The following MTIF3 variants were observed in gnomAD, a reference collection of about 807,000 sequenced individuals.
MTIF3 encodes the protein translation initiation factor IF-3, mitochondrial.
A neutral mutation model predicts 20.7 loss-of-function variants in MTIF3; 13 were observed. The observed-to-expected ratio is 0.63, with a 90% CI of 0.41 to 1.00. The LOEUF is 1.00. Among genes scored for constraint, MTIF3 ranks in the 50% least tolerant of loss-of-function variants. The pLI is 0.00. For missense variants in MTIF3, 295 were observed against 324.5 expected (o/e 0.91, Z 0.70); for synonymous variants, 114 against 112.5 (o/e 1.01, Z -0.08).
At position 27,440,379 on chromosome 13, in the gene MTIF3, A is replaced by G. The variant is rs766559510; in HGVS notation, c.70T>C (p.Phe24Leu). ...VKSENSCIRCFGKHILQKTAP... is the reference protein window; with the variant it reads ...VKSENSCIRCLGKHILQKTAP... ...GTCTTTTGCAGGATGTGTTTACCAAAACATCTAATGCAACTATTTTCAGAC... is the reference window on the plus strand; with the variant it reads ...GTCTTTTGCAGGATGTGTTTACCAAGACATCTAATGCAACTATTTTCAGAC... The change falls in exon 3 of 5, where the codon TTT becomes CTT. Residue 24 changes from phenylalanine (F) to leucine (L), a missense_variant. Physicochemically the swap from Phe to Leu is conservative, Grantham distance 22. Transcript: ENST00000381120. 6.2e-7 allele frequency: 1 copy of G among 1,614,194 alleles called. No homozygotes were observed. Among genetic ancestry groups the G allele is most frequent in the Non-Finnish European group, 8.5e-7 (1 of 1,180,022 alleles).
At chr13:27,444,249 T>A (rs1954099419) in intron 2 of MTIF3, among the ~76,000 whole-genome samples, 1 of 151,628 alleles carries the variant, frequency 6.6e-6, no homozygotes. Context: ...GAGCTAGCAG[T>A]GAGCGAGATT....
intron 2 of MTIF3, 52 bp from the exon 3 acceptor site, chr13:27,440,501 G>A: frequency 7.1e-7 from 1 of 1,402,342 alleles, no homozygotes; most frequent in Non-Finnish European, 9.7e-7. Flanking sequence ...TATTCCCTTG[G>A]TCTGACATTG....
At chr13:27,438,612 C>T (rs1953882411) in intron 3 of MTIF3, among the ~76,000 whole-genome samples, 1 of 151,664 alleles carries the variant, frequency 6.6e-6, no homozygotes, top group Admixed American at 6.6e-5. Flanking sequence ...CCTCCCACCT[C>T]AGCCTCCCAA....
intron 1 of MTIF3, among the ~76,000 whole-genome samples, chr13:27,448,446 G>A (rs1954248395): frequency 6.6e-6 from 1 of 152,154 alleles, no homozygotes; most frequent in Admixed American, 6.5e-5. Context: ...TGTCCCAGTT[G>A]CCCCATTCTG....
intron 1 of MTIF3, among the ~76,000 whole-genome samples, chr13:27,446,417 A>T (rs1052581935): frequency 6.6e-6 from 1 of 152,222 alleles, no homozygotes; most frequent in Non-Finnish European, 1.5e-5. Context: ...AGTATTTAGG[A>T]TAGTGTCATG....
At chr13:27,444,219 T>C (rs1030363739) in intron 2 of MTIF3, among the ~76,000 whole-genome samples, 4 of 151,738 alleles carry the variant, frequency 2.6e-5, no homozygotes, top group African/African-American at 9.7e-5. Flanking sequence ...GGCAGGAGAA[T>C]GGCGTGAACC....
intron 3 of MTIF3, among the ~76,000 whole-genome samples, chr13:27,439,469 C>G (rs1953914749): frequency 6.6e-6 from 1 of 152,126 alleles, no homozygotes. Context: ...GCACTCCAGC[C>G]TGGGCGGCAG....
intron 1 of MTIF3, chr13:27,450,276 T>C (rs1286724022): frequency 3.9e-5 from 6 of 152,318 alleles, no homozygotes; most frequent in Non-Finnish European, 8.8e-5. Context: ...GCGGCAACTC[T>C]AGGTCTAACA....
intron 1 of MTIF3, among the ~76,000 whole-genome samples, chr13:27,446,641 T>A (rs1290720659): frequency 2.0e-5 from 3 of 152,252 alleles, no homozygotes; most frequent in Non-Finnish European, 4.4e-5. Flanking sequence ...TGTAATTTAA[T>A]ACATTGACAT....
chr13:27,437,356 C>T, intron 3 of MTIF3, 83 bp from the exon 4 acceptor site: 3 of 1,274,828 alleles, frequency 2.4e-6, no homozygotes, highest in Non-Finnish European at 3.2e-6. Flanking sequence ...ATCATAAAAT[C>T]CTAGGTTGCC....
In MTIF3 at chr13:27,440,140, T is replaced by C; in HGVS notation, c.309A>G (p.Ala103=). ...KGNDLGNMHR[A]NVIRLMDERD... is the part of the protein sequence containing the mutation. ...GCTCATCCATAAGTCTAATCACATT[T>C]GCTCGGTGCATGTTTCCCAAATCAT... The change falls in exon 3 of 5, where the codon GCA becomes GCG. Residue 103 remains alanine (A), a synonymous_variant. Coordinates refer to ENST00000381120, the MANE Select transcript of MTIF3 (RefSeq NM_152912.5). The C allele has an allele frequency of 6.2e-7, 1 of 1,614,226 alleles. No homozygotes were observed.
At chr13:27,440,914 A>G (rs1953984360) in intron 2 of MTIF3, 1 of 170,542 alleles carries the variant, frequency 5.9e-6, no homozygotes, top group Admixed American at 5.4e-5. Context: ...ATTAACACAT[A>G]TTTTGTATGC....
chr13:27,444,487 T>C (rs974047930), intron 2 of MTIF3, among the ~76,000 whole-genome samples: 1 of 152,234 alleles, frequency 6.6e-6, no homozygotes, highest in African/African-American at 2.4e-5. Flanking sequence ...ATTGAAAATA[T>C]ACGTTTCTTC....
intron 3 of MTIF3, 114 bp from the exon 4 acceptor site, chr13:27,437,387 G>C: frequency 1.1e-6 from 1 of 923,242 alleles, no homozygotes; most frequent in Non-Finnish European, 1.6e-6. Flanking sequence ...CTTCTCATCT[G>C]GCTTTCAGTT....
chr13:27,436,181 C>A lies in MTIF3; in HGVS notation c.619-288G>T, dbSNP rs552171344. Among the ~76,000 whole-genome samples the A allele has an allele frequency of 1.1e-4, 16 of 152,296 alleles. No individual in the cohort carries two copies. In the East Asian group the frequency reaches 2.3e-3, roughly 22 times the overall value. On this transcript the variant is annotated intron_variant, in intron 4 of 4. Coordinates refer to ENST00000381120, the MANE Select transcript of MTIF3 (RefSeq NM_152912.5). ...TACCCTCTCCCACAAACAGAAAGCACTGGGTTTGGGCATTGGCAAAATACC... is the reference window on the plus strand; with the variant it reads ...TACCCTCTCCCACAAACAGAAAGCAATGGGTTTGGGCATTGGCAAAATACC...
At chr13:27,448,811 G>A (rs957426065) in intron 1 of MTIF3, among the ~76,000 whole-genome samples, 3 of 152,194 alleles carry the variant, frequency 2.0e-5, no homozygotes, top group Non-Finnish European at 4.4e-5. Flanking sequence ...GGCTGAGGAA[G>A]GCAGATCACT....
intron 1 of MTIF3, chr13:27,449,791 T>C (rs952179124): frequency 1.3e-5 from 2 of 152,256 alleles, no homozygotes; most frequent in Non-Finnish European, 1.5e-5. Context: ...TAGTAGTCGA[T>C]TTTCAGATTC....
intron 3 of MTIF3, 133 bp from the exon 4 acceptor site, chr13:27,437,406 C>A: frequency 1.4e-6 from 1 of 739,292 alleles, no homozygotes. Context: ...TTTCACAGAC[C>A]AGTAAATGTC....
intron 3 of MTIF3, among the ~76,000 whole-genome samples, chr13:27,438,483 GTTTTT>G (rs61052475): frequency 6.5e-5 from 7 of 107,174 alleles, no homozygotes; most frequent in East Asian, 3.9e-4. Context: ...GAGCAAGACT[GTTTTT>G]TTTTTTTTTT....
Sources: gnomAD v4.1 joint callset for allele counts (sites outside exome capture counted in the v4.1 genomes callset) on GRCh38, gnomAD v4.1.1 for gene constraint, MANE v1.5 for transcripts, NCBI Gene and HGNC (gene_info 2026-07-23, HGNC 2026-07-21) for gene names.